Variants in MEIOB observed in about 807,000 individuals in gnomAD.
MEIOB encodes meiosis specific with OB-fold.
A neutral mutation model predicts 53.1 loss-of-function variants in MEIOB; 50 were observed. That is an observed-to-expected ratio of 0.94 (90% confidence interval 0.75 to 1.19). The LOEUF is 1.19. Among genes scored for constraint, MEIOB ranks in the 50% most tolerant of loss-of-function variants. The pLI is 0.00. For synonymous variants in MEIOB, 192 were observed against 182.5 expected, an observed-to-expected ratio of 1.05 and a Z score of -0.42; for missense variants, 551 against 550.8, an observed-to-expected ratio of 1.00 and a Z score of 0.00.
At chr16:1,865,990 G>C (rs1205685966) in intron 2 of MEIOB, among the ~76,000 whole-genome samples, 155 bp from the exon 3 acceptor site, 2 of 152,040 alleles carry the variant, frequency 1.3e-5, no homozygotes, top group Non-Finnish European at 2.9e-5. Flanking sequence ...TCTAAAAGAA[G>C]TTCATAAATG....
At chr16:1,856,713 G>A (rs1899316079) in intron 6 of MEIOB, among the ~76,000 whole-genome samples, 1 of 149,434 alleles carries the variant, frequency 6.7e-6, no homozygotes, top group African/African-American at 2.5e-5. Context: ...ACCCGCCTCA[G>A]CCTCCCAAAG....
chr16:1,863,480 G>A (rs990602154), intron 3 of MEIOB, among the ~76,000 whole-genome samples: 14 of 151,588 alleles, frequency 9.2e-5, no homozygotes, highest in African/African-American at 2.7e-4. Flanking sequence ...TCTGCCTCCT[G>A]GGTTCAAGCA....
At chr16:1,849,949 G>T (rs2492886) in intron 9 of MEIOB, among the ~76,000 whole-genome samples, 132,405 of 152,262 alleles carry the variant, frequency 0.87, 57,992 homozygotes, top group African/African-American at 0.97. Flanking sequence ...AAACAACATA[G>T]TGTATAAAAT....
At chr16:1,868,243 A>T (rs1596987640) in intron 1 of MEIOB, 59 bp from the exon 2 acceptor site, 3 of 966,322 alleles carry the variant, frequency 3.1e-6, no homozygotes, top group Non-Finnish European at 4.7e-6. Flanking sequence ...TAAATCATTT[A>T]AAAAATTCCA....
intron 9 of MEIOB, 143 bp from the exon 10 acceptor site, chr16:1,845,106 T>C (rs1457367271): frequency 1.8e-6 from 1 of 545,742 alleles, no homozygotes; most frequent in Non-Finnish European, 3.3e-6. Context: ...CCATTAACAA[T>C]GTGATGTAGA....
Position 1,839,375 on chromosome 16 carries a change from G to A in MEIOB, c.1098C>T (p.Ser366=). 8 of 1,614,126 alleles carry A rather than the reference G, an allele frequency of 5.0e-6. No homozygotes were observed. The highest frequency in any genetic ancestry group is 6.8e-6 in the Non-Finnish European group (8 of 1,180,020). ...TGAGAAAGACAGATTTAAAGTCCAA[G>A]GAGTTTTTGTTGCAAGTTGTGCACA... ...SNMCTTCNKN[S]LDFKSVFLSF... The change falls in exon 12 of 14, where the codon TCC becomes TCT. Residue 366 remains serine (S), a synonymous_variant. Coordinates refer to ENST00000325962, the MANE Select transcript of MEIOB (RefSeq NM_001163560.3).
chr16:1,870,815 G>A (rs1234249048), intron 1 of MEIOB, among the ~76,000 whole-genome samples: 1 of 152,140 alleles, frequency 6.6e-6, no homozygotes, highest in Non-Finnish European at 1.5e-5. Context: ...AACACTTGCC[G>A]AACTGTGACA....
chr16:1,859,842 G>C (rs774701485), intron 5 of MEIOB, among the ~76,000 whole-genome samples: 8 of 152,180 alleles, frequency 5.3e-5, no homozygotes, highest in Non-Finnish European at 8.8e-5. Flanking sequence ...CATCCTGCGG[G>C]TTTGGGGAGT....
At chr16:1,844,460 T>C (rs1025292754) in intron 10 of MEIOB, among the ~76,000 whole-genome samples, 1 of 151,996 alleles carries the variant, frequency 6.6e-6, no homozygotes, top group Admixed American at 6.6e-5. Context: ...TTTTTTTATT[T>C]TTTGAGATAC....
Position 1,857,827 on chromosome 16 carries a change from C to G in MEIOB, c.436G>C (p.Glu146Gln), listed in dbSNP as rs752389700. ...CCCAGTGAATAATAATCATGAGACT[C>G]TTTAACAGGTAAATGTATCAAAGAA... is the stretch of plus-strand genomic sequence containing the variant. ...LLSLIHLPVK[E>Q]SHDYYSLGDI... The change falls in exon 6 of 14, where the codon GAG becomes CAG. Residue 146 changes from glutamate to glutamine, a missense_variant. By Grantham distance (29) the Glu-to-Gln change is conservative (BLOSUM62 2). Transcript: ENST00000325962. 9 of 1,551,550 alleles carry G rather than the reference C, an allele frequency of 5.8e-6. No individual in the cohort carries two copies. Among genetic ancestry groups the G allele is most frequent in the Non-Finnish European group, 7.0e-6 (8 of 1,146,632 alleles).
At chr16:1,837,528 C>T (rs969197718) in intron 13 of MEIOB, among the ~76,000 whole-genome samples, 2 of 152,074 alleles carry the variant, frequency 1.3e-5, no homozygotes, top group Admixed American at 6.6e-5. Flanking sequence ...AAGCCCTTTC[C>T]CCTGTTTTGG....
chr16:1,858,564 A>G (rs1400174645), intron 5 of MEIOB, among the ~76,000 whole-genome samples: 5 of 152,112 alleles, frequency 3.3e-5, no homozygotes, highest in Non-Finnish European at 7.4e-5. Context: ...CCTACAGTCC[A>G]TCCTCCATAA....
At chr16:1,839,175 G>A (rs2142076569) in intron 12 of MEIOB, 80 bp downstream of exon 12, 1 of 1,428,778 alleles carries the variant, frequency 7.0e-7, no homozygotes, top group Non-Finnish European at 9.2e-7. Context: ...TCAAATGTTT[G>A]ACAAAACAAC....
At chr16:1,869,644 G>A (rs1239969218) in intron 1 of MEIOB, among the ~76,000 whole-genome samples, 2 of 151,154 alleles carry the variant, frequency 1.3e-5, no homozygotes, top group Non-Finnish European at 2.9e-5. Flanking sequence ...GTAGAGACGG[G>A]GTTTCACCGT....
At chr16:1,839,507 A>G in intron 11 of MEIOB, 69 bp from the exon 12 acceptor site, 1 of 1,404,572 alleles carries the variant, frequency 7.1e-7, no homozygotes. Context: ...TAGCAGAAAA[A>G]GAATTGTCAC....
intron 1 of MEIOB, among the ~76,000 whole-genome samples, chr16:1,870,401 A>T (rs949331141): frequency 1.4e-4 from 22 of 152,220 alleles, no homozygotes; most frequent in Non-Finnish European, 2.6e-4. Context: ...GGGCCTCTTT[A>T]ACTCTGGGAA....
At chr16:1,847,935 T>C (rs551971882) in intron 9 of MEIOB, among the ~76,000 whole-genome samples, 3 of 152,156 alleles carry the variant, frequency 2.0e-5, no homozygotes, top group Admixed American at 6.5e-5. Context: ...GTAACAATCA[T>C]GGCTTTATTT....
intron 4 of MEIOB, 71 bp from the exon 5 acceptor site, chr16:1,860,546 A>T: frequency 5.8e-6 from 5 of 858,444 alleles, no homozygotes; most frequent in Non-Finnish European, 7.4e-6. Flanking sequence ...CCTAAATAAC[A>T]TCCTGTTTAA....
intron 1 of MEIOB, among the ~76,000 whole-genome samples, chr16:1,870,756 G>A (rs2974856): frequency 0.83 from 125,541 of 152,112 alleles, 51,929 homozygotes; most frequent in Middle Eastern, 0.9. Context: ...TTTTTCATTC[G>A]TTCTTTGGCC....
Sources: gnomAD v4.1 joint callset for allele counts (sites outside exome capture counted in the v4.1 genomes callset) on GRCh38, gnomAD v4.1.1 for gene constraint, MANE v1.5 for transcripts, NCBI Gene and HGNC (gene_info 2026-07-23, HGNC 2026-07-21) for gene names.